The following EFCAB11 variants were observed in gnomAD, a reference collection of about 807,000 sequenced individuals.
The protein encoded by EFCAB11 is EF-hand calcium binding domain 11, also known as EF-hand calcium-binding domain-containing protein 11.
Under a neutral mutation model 23.0 loss-of-function variants are expected in EFCAB11, and 14 were observed. The observed-to-expected ratio is 0.61, with a 90% CI of 0.40 to 0.95. EFCAB11 has a LOEUF of 0.95. EFCAB11 is among the 40% of genes least tolerant of loss of function. The probability of loss-of-function intolerance (pLI) is 0.00; values close to 1 mark genes in which losing one functional copy is unlikely to be tolerated. For synonymous variants in EFCAB11, 65 were observed against 66.6 expected (o/e 0.98, Z 0.11); for missense variants, 198 against 195.8 (o/e 1.01, Z -0.07).
chr14:89,954,327 G>A, intron 1 of EFCAB11: 3 of 1,534,584 alleles, frequency 2.0e-6, no homozygotes, highest in South Asian at 2.4e-5. Context: ...GGCTTTGAAA[G>A]GCGGGAGAGA....
At chr14:89,841,351 T>C (rs1269956060) in intron 5 of EFCAB11, among the ~76,000 whole-genome samples, 2 of 151,948 alleles carry the variant, frequency 1.3e-5, no homozygotes. Flanking sequence ...CTCCTTCCCA[T>C]TGAGTGAAAG....
chr14:89,849,816 T>C (rs931720531), intron 5 of EFCAB11, among the ~76,000 whole-genome samples: 1 of 152,160 alleles, frequency 6.6e-6, no homozygotes, highest in African/African-American at 2.4e-5. Flanking sequence ...AGAAACCAGA[T>C]ACCCAAGAGA....
At chr14:89,910,598 A>AATACATACATACATAC (rs34931708) in intron 5 of EFCAB11, among the ~76,000 whole-genome samples, 3 of 147,522 alleles carry the variant, frequency 2.0e-5, no homozygotes, top group Non-Finnish European at 3.0e-5. Flanking sequence ...ATCTGTCTCA[A>AATACATACATACATAC]ATACATACAT....
At chr14:89,874,919 C>A (rs1477909060) in intron 5 of EFCAB11, among the ~76,000 whole-genome samples, 1 of 152,096 alleles carries the variant, frequency 6.6e-6, no homozygotes, top group Non-Finnish European at 1.5e-5. Flanking sequence ...CAAGTCACCT[C>A]TTGAATGCTT....
intron 5 of EFCAB11, among the ~76,000 whole-genome samples, chr14:89,878,258 C>A (rs1048816173): frequency 2.6e-5 from 4 of 152,130 alleles, no homozygotes; most frequent in African/African-American, 9.7e-5. Flanking sequence ...TTAGTTTTTA[C>A]AAAGTCAAAT....
chr14:89,929,794 C>G (rs1890327883), intron 5 of EFCAB11, among the ~76,000 whole-genome samples: 1 of 152,168 alleles, frequency 6.6e-6, no homozygotes, highest in African/African-American at 2.4e-5. Flanking sequence ...AAAATGTTCT[C>G]CCTGTAGCAT....
chr14:89,890,914 C>T (rs1888945187), intron 5 of EFCAB11, among the ~76,000 whole-genome samples: 1 of 152,164 alleles, frequency 6.6e-6, no homozygotes, highest in Non-Finnish European at 1.5e-5. Flanking sequence ...CAAAGGACTA[C>T]ATGAAAGTTT....
intron 5 of EFCAB11, among the ~76,000 whole-genome samples, chr14:89,802,545 C>T (rs964190735): frequency 2.0e-5 from 3 of 152,122 alleles, no homozygotes; most frequent in Non-Finnish European, 4.4e-5. Flanking sequence ...GCATGCGCCA[C>T]CAAGTCCGGC....
intron 5 of EFCAB11, among the ~76,000 whole-genome samples, chr14:89,849,585 G>T (rs1307422201): frequency 7.0e-6 from 1 of 143,034 alleles, no homozygotes; most frequent in Non-Finnish European, 1.5e-5. Context: ...AGTATGCATT[G>T]CTTTTGTAAC....
At position 89,794,800 on chromosome 14, in the gene EFCAB11, G is replaced by C. The variant is rs1885520117; in HGVS notation, c.*2443C>G. The C allele has an allele frequency of 6.6e-6, 1 of 151,908 alleles. No homozygotes were observed. The highest frequency in any genetic ancestry group is 1.5e-5 in the Non-Finnish European group (1 of 67,974). 9.4% of individuals were successfully genotyped at this position (151,908 alleles called of 1,614,324 possible). A position where few individuals can be genotyped will look rare whatever the true frequency, so the allele number is the denominator to read the frequency against. On this transcript the variant is annotated 3_prime_UTR_variant, in exon 6 of 6. Coordinates refer to ENST00000316738, the MANE Select transcript of EFCAB11 (RefSeq NM_145231.4). ...AATTTTTAATTTTAGAATAGTTTTA[G>C]ATTTATAGAAAAATTGTGAAAATAG...
chr14:89,936,065 G>A (rs1225102850), intron 3 of EFCAB11, among the ~76,000 whole-genome samples: 2 of 150,010 alleles, frequency 1.3e-5, no homozygotes, highest in African/African-American at 2.5e-5. Flanking sequence ...GTAAATGAAT[G>A]CCAAAAAGTA....
At chr14:89,881,466 T>TATATATATATA (rs10524743) in intron 5 of EFCAB11, among the ~76,000 whole-genome samples, 13 of 122,206 alleles carry the variant, frequency 1.1e-4, no homozygotes, top group South Asian at 2.5e-4. Context: ...TATATATATA[T>TATATATATATA]TCTTTTTTTT....
intron 3 of EFCAB11, among the ~76,000 whole-genome samples, chr14:89,945,912 ATTTT>A (rs34765514): frequency 1.5e-4 from 20 of 135,698 alleles, no homozygotes; most frequent in African/African-American, 2.5e-4. Flanking sequence ...TTATTAGGGG[ATTTT>A]TTTTTTTTAT....
Position 89,901,196 on chromosome 14 carries a change from G to A in EFCAB11, c.410+30345C>T, listed in dbSNP as rs1889328046. On this transcript the variant is annotated intron_variant, in intron 5 of 5. Transcript: ENST00000316738. ...GGTATTCAAATGATAAACACTTCTTGGTGTGATGCATAAGCAGGACTCAAA... is the reference window on the plus strand; with the variant it reads ...GGTATTCAAATGATAAACACTTCTTAGTGTGATGCATAAGCAGGACTCAAA... 5.3e-5 allele frequency among the ~76,000 whole-genome samples: 8 copies of A among 152,076 alleles called. 1 individual carries two copies. Among genetic ancestry groups the A allele is most frequent in the Admixed American group, 3.9e-4 (6 of 15,264 alleles).
chr14:89,912,506 G>T (rs1261316035), intron 5 of EFCAB11, among the ~76,000 whole-genome samples: 1 of 151,984 alleles, frequency 6.6e-6, no homozygotes, highest in Admixed American at 6.6e-5. Flanking sequence ...AGTTAGCATT[G>T]TTTTTCCTTC....
At chr14:89,821,042 G>A (rs1886500174) in intron 5 of EFCAB11, among the ~76,000 whole-genome samples, 2 of 151,872 alleles carry the variant, frequency 1.3e-5, no homozygotes, top group African/African-American at 2.4e-5. Context: ...TTTATTTTTT[G>A]TAGAGATGGG....
At chr14:89,903,424 A>G (rs917201837) in intron 5 of EFCAB11, among the ~76,000 whole-genome samples, 1 of 152,340 alleles carries the variant, frequency 6.6e-6, no homozygotes, top group Non-Finnish European at 1.5e-5. Flanking sequence ...AAAAAATTAT[A>G]TACTCCAGGA....
At chr14:89,884,631 G>T (rs1187046350) in intron 5 of EFCAB11, among the ~76,000 whole-genome samples, 2 of 152,184 alleles carry the variant, frequency 1.3e-5, no homozygotes, top group South Asian at 2.1e-4. Flanking sequence ...GTTTGAAGAT[G>T]ACTTGATTGC....
intron 5 of EFCAB11, among the ~76,000 whole-genome samples, chr14:89,841,496 G>A (rs1887266938): frequency 6.7e-6 from 1 of 150,334 alleles, no homozygotes; most frequent in African/African-American, 2.5e-5. Flanking sequence ...TTAACCTACT[G>A]GAGCGTGCCA....
Sources: gnomAD v4.1 joint callset for allele counts (sites outside exome capture counted in the v4.1 genomes callset) on GRCh38, gnomAD v4.1.1 for gene constraint, MANE v1.5 for transcripts, NCBI Gene and HGNC (gene_info 2026-07-23, HGNC 2026-07-21) for gene names.